Variants in ROBO1 observed in about 807,000 individuals in gnomAD.
ROBO1 encodes roundabout guidance receptor 1.
Under a neutral mutation model 195.9 loss-of-function variants are expected in ROBO1, and 149 were observed. The ratio of observed to expected loss-of-function variants is 0.76; its 90% CI spans 0.67 to 0.87. The LOEUF (loss-of-function observed/expected upper bound fraction) is 0.87. ROBO1 is among the 40% of genes least tolerant of loss of function. The pLI is 0.00. For synonymous variants in ROBO1, 816 were observed against 733.2 expected, an observed-to-expected ratio of 1.11 and a Z score of -1.82; for missense variants, 1,933 against 2,068.3, an observed-to-expected ratio of 0.93 and a Z score of 1.27.
intron 3 of ROBO1, among the ~76,000 whole-genome samples, chr3:79,033,972 C>T (rs2078339711): frequency 6.6e-6 from 1 of 152,050 alleles, no homozygotes; most frequent in African/African-American, 2.4e-5. Context: ...CTATGGCTTC[C>T]CTGCCAAAAC....
At chr3:78,763,808 C>G (rs1051606870) in intron 4 of ROBO1, among the ~76,000 whole-genome samples, 1 of 152,258 alleles carries the variant, frequency 6.6e-6, no homozygotes, top group South Asian at 2.1e-4. Flanking sequence ...GAGTTTTAAC[C>G]GGCAAAGCGA....
chr3:79,337,789 T>C (rs547050084), intron 2 of ROBO1, among the ~76,000 whole-genome samples: 7 of 152,302 alleles, frequency 4.6e-5, no homozygotes, highest in South Asian at 4.1e-4. Flanking sequence ...TGCAACTTGT[T>C]CAGAAATCAT....
intron 2 of ROBO1, among the ~76,000 whole-genome samples, chr3:79,332,055 G>A (rs1455856063): frequency 6.6e-6 from 1 of 151,530 alleles, no homozygotes; most frequent in East Asian, 1.9e-4. Context: ...AGGCAGGAGA[G>A]TGGCGTGAAC....
rs544712815 is a variant in ROBO1, at chr3:79,165,821, C to T, written c.89-40282G>A. 5.3e-5 allele frequency among the ~76,000 whole-genome samples: 8 copies of T among 152,224 alleles called. No individual in the cohort carries two copies. The South Asian group carries it at 1.7e-3, about 32-fold the overall frequency. Reference sequence around the variant, plus strand: ...CAACCCAATACTAATCTGGGAGTTGCTGGGAAGATATTTTATTGATGTGAT... The same window carrying T: ...CAACCCAATACTAATCTGGGAGTTGTTGGGAAGATATTTTATTGATGTGAT... On this transcript the variant is annotated intron_variant, in intron 2 of 30. Transcript: ENST00000464233.
At chr3:78,741,583 A>G (rs1489782141) in intron 5 of ROBO1, among the ~76,000 whole-genome samples, 1 of 152,142 alleles carries the variant, frequency 6.6e-6, no homozygotes, top group African/African-American at 2.4e-5. Context: ...CCACCCTAAT[A>G]AAGTATCTTG....
At chr3:79,060,684 G>C (rs2078900486) in intron 3 of ROBO1, among the ~76,000 whole-genome samples, 1 of 152,008 alleles carries the variant, frequency 6.6e-6, no homozygotes, top group Non-Finnish European at 1.5e-5. Flanking sequence ...GGGATGCAAG[G>C]CTGGTTCAAC....
intron 20 of ROBO1, among the ~76,000 whole-genome samples, chr3:78,646,434 T>C (rs1391729985): frequency 1.3e-5 from 2 of 150,728 alleles, no homozygotes; most frequent in Admixed American, 6.6e-5. Context: ...ATATCACTCT[T>C]ATTTTCTTCA....
chr3:79,063,905 A>G (rs1312083536), intron 3 of ROBO1, among the ~76,000 whole-genome samples: 1 of 151,940 alleles, frequency 6.6e-6, no homozygotes, highest in East Asian at 1.9e-4. Context: ...TCAGAGAAGT[A>G]GGGAGTAGAA....
chr3:79,704,582 T>C (rs1303444697), intron 1 of ROBO1, among the ~76,000 whole-genome samples: 1 of 152,020 alleles, frequency 6.6e-6, no homozygotes, highest in Non-Finnish European at 1.5e-5. Context: ...TATCCTTTCA[T>C]TTGCTGAAAG....
chr3:79,215,084 A>G (rs1022398982), intron 2 of ROBO1, among the ~76,000 whole-genome samples: 1 of 152,098 alleles, frequency 6.6e-6, no homozygotes, highest in Admixed American at 6.6e-5. Flanking sequence ...CGGCCTGACC[A>G]GGTATCTGGA....
chr3:78,680,188 G>T (rs2080859838), intron 10 of ROBO1, among the ~76,000 whole-genome samples: 1 of 152,024 alleles, frequency 6.6e-6, no homozygotes, highest in African/African-American at 2.4e-5. Context: ...AATCCAAGAT[G>T]GATTAAAGAC....
intron 3 of ROBO1, among the ~76,000 whole-genome samples, chr3:78,999,474 T>C (rs1301554384): frequency 6.6e-6 from 1 of 152,016 alleles, no homozygotes; most frequent in Non-Finnish European, 1.5e-5. Context: ...TTCTCAATGA[T>C]AAGTGGGAGC....
chr3:78,655,311 C>A (rs1400738642), intron 18 of ROBO1, among the ~76,000 whole-genome samples: 5 of 152,092 alleles, frequency 3.3e-5, no homozygotes, highest in Non-Finnish European at 5.9e-5. Context: ...GCCTTCCTAG[C>A]CAGTGACTTA....
At chr3:79,304,890 G>T (rs1383856802) in intron 2 of ROBO1, among the ~76,000 whole-genome samples, 2 of 152,110 alleles carry the variant, frequency 1.3e-5, no homozygotes, top group Non-Finnish European at 2.9e-5. Flanking sequence ...ACCTAGAAAT[G>T]GAATGACTGG....
At chr3:79,231,752 C>T (rs540995556) in intron 2 of ROBO1, among the ~76,000 whole-genome samples, 33 of 152,234 alleles carry the variant, frequency 2.2e-4, no homozygotes, top group African/African-American at 7.9e-4. Context: ...ATTATAAAGA[C>T]ACATGCCCAG....
intron 3 of ROBO1, among the ~76,000 whole-genome samples, chr3:79,011,089 A>C (rs1559588684): frequency 6.6e-6 from 1 of 152,152 alleles, no homozygotes; most frequent in Non-Finnish European, 1.5e-5. Context: ...TACTGAAATT[A>C]CTTCCCAAAC....
At chr3:78,862,667 C>T (rs2034925588) in intron 4 of ROBO1, among the ~76,000 whole-genome samples, 1 of 152,132 alleles carries the variant, frequency 6.6e-6, no homozygotes, top group African/African-American at 2.4e-5. Context: ...GAAAAGTCAA[C>T]AACAAGGAAA....
intron 4 of ROBO1, among the ~76,000 whole-genome samples, chr3:78,907,641 A>G (rs1228364655): frequency 6.6e-6 from 1 of 152,056 alleles, no homozygotes; most frequent in Non-Finnish European, 1.5e-5. Flanking sequence ...TACACTCATG[A>G]GTCATAACAG....
chr3:79,071,914 C>T (rs2079097858), intron 3 of ROBO1, among the ~76,000 whole-genome samples: 1 of 151,748 alleles, frequency 6.6e-6, no homozygotes, highest in African/African-American at 2.4e-5. Context: ...TGAGAGCTAC[C>T]TTCTAGTCTA....
Sources: gnomAD v4.1 joint callset for allele counts (sites outside exome capture counted in the v4.1 genomes callset) on GRCh38, gnomAD v4.1.1 for gene constraint, MANE v1.5 for transcripts, NCBI Gene and HGNC (gene_info 2026-07-23, HGNC 2026-07-21) for gene names.